Variants in UBE2O observed in about 807,000 individuals in gnomAD.
UBE2O encodes ubiquitin conjugating enzyme E2 O, also known as (E3-independent) E2 ubiquitin-conjugating enzyme.
A neutral mutation model predicts 125.8 loss-of-function variants in UBE2O; 15 were observed. The observed-to-expected ratio is 0.12, with a 90% CI of 0.08 to 0.18. UBE2O has a LOEUF of 0.18. UBE2O is among the 10% of genes least tolerant of loss of function. The pLI is 1.00. For missense variants in UBE2O, 1,280 were observed against 1,723.6 expected, an observed-to-expected ratio of 0.74 and a Z score of 4.56; for synonymous variants, 708 against 703.2, an observed-to-expected ratio of 1.01 and a Z score of -0.11.
chr17:76,402,753 A>G lies in UBE2O; in HGVS notation c.589-54T>C. 20 of 1,450,760 alleles carry G rather than the reference A, an allele frequency of 1.4e-5. No individual in the cohort carries two copies. The highest frequency in any genetic ancestry group is 1.8e-5 in the Non-Finnish European group (19 of 1,031,162). 89.9% of individuals were successfully genotyped at this position (1,450,760 alleles called of 1,614,324 possible). A position where few individuals can be genotyped will look rare whatever the true frequency, so the allele number is the denominator to read the frequency against. On this transcript the variant is annotated intron_variant, in intron 3 of 17. Transcript: ENST00000319380. This position sits in a 1 kb window ranked among gnomAD's most constrained non-coding sequence, Gnocchi z 5.4. The stretch of plus-strand genomic sequence containing the variant: ...GACACAGCAGACAACGTTCATGTCC[A>G]GGGCACAGATTCCTCTATGCCCCAC...
Position 76,395,603 on chromosome 17 carries a change from T to G in UBE2O, c.2946+122A>C. ...TGTGACCGCCCCTGTAAAAGGTGGG[T>G]GGGTGAGTGTCCTCGCAGGTGCCAG... On this transcript the variant is annotated intron_variant, in intron 15 of 17. Coordinates refer to ENST00000319380, the MANE Select transcript of UBE2O (RefSeq NM_022066.4). The surrounding 1 kb of genome is among the most constrained non-coding windows in gnomAD (Gnocchi z 5.0). 1 of 1,218,774 alleles carries G rather than the reference T, an allele frequency of 8.2e-7. No individual in the cohort carries two copies. The highest frequency in any genetic ancestry group is 1.1e-6 in the Non-Finnish European group (1 of 876,216). 75.5% of individuals were successfully genotyped at this position (1,218,774 alleles called of 1,614,324 possible).
At chr17:76,447,405 A>T (rs750760266) in intron 1 of UBE2O, among the ~76,000 whole-genome samples, 26 of 152,260 alleles carry the variant, frequency 1.7e-4, no homozygotes, top group Non-Finnish European at 3.2e-4. Context: ...AAACATCTAA[A>T]GCACTAAGAG....
rs751759639 is a variant in UBE2O, at chr17:76,396,299, C to T, written c.2638G>A (p.Glu880Lys). 2 of 1,614,248 alleles carry T rather than the reference C, an allele frequency of 1.2e-6. No individual in the cohort carries two copies. The highest frequency in any genetic ancestry group is 1.7e-5 in the Admixed American group (1 of 60,036). The stretch of plus-strand genomic sequence containing the variant: ...TTGCGCTCTACGTCGGGCACTGCTT[C>T]CATCTTCTCCTCCTCTACAATGGCC... Reference protein sequence around the residue: ...NVAIVEEEKMEAVPDVERKED... With the variant: ...NVAIVEEEKMKAVPDVERKED... Residue 880 changes from glutamate to lysine, a missense_variant, in exon 14 of 18, where the codon GAA becomes AAA. Coordinates refer to ENST00000319380, the MANE Select transcript of UBE2O (RefSeq NM_022066.4). This position sits in a 1 kb window ranked among gnomAD's most constrained non-coding sequence, Gnocchi z 6.7.
chr17:76,401,016 C>G lies in UBE2O; in HGVS notation c.889G>C (p.Glu297Gln), dbSNP rs1407747438. 6.2e-7 allele frequency: 1 copy of G among 1,613,816 alleles called. No homozygotes were observed. Among genetic ancestry groups the G allele is most frequent in the South Asian group, 1.1e-5 (1 of 91,076 alleles). Residue 297 changes from glutamate to glutamine, a missense_variant, in exon 6 of 18, where the codon GAA becomes CAA. Coordinates refer to ENST00000319380, the MANE Select transcript of UBE2O (RefSeq NM_022066.4). Reference sequence around the variant, plus strand: ...ACCCTTGGGCCCGGACCCACCTCTTCCACCACCACTCGGAACTTGCTCTTG... The same window carrying G: ...ACCCTTGGGCCCGGACCCACCTCTTGCACCACCACTCGGAACTTGCTCTTG... ...STKSKFRVVV[E>Q]EVQVVELKVT...
At chr17:76,420,299 C>T (rs1021707279) in intron 1 of UBE2O, among the ~76,000 whole-genome samples, 1 of 152,026 alleles carries the variant, frequency 6.6e-6, no homozygotes, top group Non-Finnish European at 1.5e-5. Flanking sequence ...GTTGTTTCCC[C>T]GGGGGCCAAG....
chr17:76,438,044 G>C (rs772266156), intron 1 of UBE2O, among the ~76,000 whole-genome samples: 6 of 152,016 alleles, frequency 3.9e-5, no homozygotes, highest in African/African-American at 1.2e-4. Context: ...TGCTATTACC[G>C]GCAGGACCAG....
chr17:76,408,001 C>T (rs1162534056), intron 1 of UBE2O, among the ~76,000 whole-genome samples: 2 of 152,194 alleles, frequency 1.3e-5, no homozygotes, highest in African/African-American at 2.4e-5. Flanking sequence ...GAATTAGAAC[C>T]CAAGACAACG....
intron 1 of UBE2O, among the ~76,000 whole-genome samples, chr17:76,415,586 C>G (rs1402126280): frequency 6.6e-6 from 1 of 152,222 alleles, no homozygotes; most frequent in Non-Finnish European, 1.5e-5. Flanking sequence ...GGTTGGATCA[C>G]TTGAGGTCAG....
At position 76,390,602 on chromosome 17, in the gene UBE2O, G is replaced by T. The variant is rs138443715; in HGVS notation, c.*341C>A. ...GGTCTGCAGGGAACCGGCCCAGAGA[G>T]CCCCGCGGCAGGCCCTGGAACACCC... On this transcript the variant is annotated 3_prime_UTR_variant, in exon 18 of 18. Coordinates refer to ENST00000319380, the MANE Select transcript of UBE2O (RefSeq NM_022066.4). The T allele has an allele frequency of 5.1e-4, 121 of 235,170 alleles. No homozygotes were observed. Among genetic ancestry groups the T allele is most frequent in the African/African-American group, 2.6e-3 (115 of 43,932 alleles). The allele number at this position is 235,170 out of a possible 1,614,324, so 14.6% of individuals were successfully genotyped here. A position where few individuals can be genotyped will look rare whatever the true frequency, so the allele number is the denominator to read the frequency against.
At chr17:76,421,872 G>C (rs1391421175) in intron 1 of UBE2O, among the ~76,000 whole-genome samples, 2 of 152,156 alleles carry the variant, frequency 1.3e-5, no homozygotes, top group Non-Finnish European at 2.9e-5. Flanking sequence ...AAGTCAACAA[G>C]TCGCTGGCCA....
Position 76,392,012 on chromosome 17 carries a change from G to C in UBE2O, c.3048C>G (p.Pro1016=), listed in dbSNP as rs78411046. The change falls in exon 16 of 18, where the codon CCC becomes CCG. Residue 1016 remains proline, a synonymous_variant. Coordinates refer to ENST00000319380, the MANE Select transcript of UBE2O (RefSeq NM_022066.4). ...IQLPNIYPAV[P]PHFCYLSQCS... ...ATTGGGAGAGGTAGCAGAAGTGGGG[G>C]GGCACGGCTGGGTAGATGTTGGGGA... is the stretch of plus-strand genomic sequence containing the variant. 1.4e-3 allele frequency: 2,309 copies of C among 1,594,014 alleles called. 2 individuals are homozygous for C. The highest frequency in any genetic ancestry group is 1.8e-3 in the Non-Finnish European group (2,162 of 1,171,298).
intron 1 of UBE2O, among the ~76,000 whole-genome samples, chr17:76,423,607 C>T (rs1446145815): frequency 1.5e-4 from 23 of 150,300 alleles, no homozygotes; most frequent in Admixed American, 1.3e-3. Context: ...GCAGGAAAAT[C>T]GCTTGAACCT....
Position 76,395,572 on chromosome 17 carries a change from T to G in UBE2O, c.2946+153A>C. On this transcript the variant is annotated intron_variant, in intron 15 of 17. Coordinates refer to ENST00000319380, the MANE Select transcript of UBE2O (RefSeq NM_022066.4). This position sits in a 1 kb window ranked among gnomAD's most constrained non-coding sequence, Gnocchi z 5.0. Reference sequence around the variant, plus strand: ...ACGGCTGAGTCAGCCCTCACCTGACTGAGCCTGTGACCGCCCCTGTAAAAG... The same window carrying G: ...ACGGCTGAGTCAGCCCTCACCTGACGGAGCCTGTGACCGCCCCTGTAAAAG... The G allele has an allele frequency of 3.6e-6, 3 of 831,834 alleles. No individual in the cohort carries two copies. Among genetic ancestry groups the G allele is most frequent in the Non-Finnish European group, 5.6e-6 (3 of 534,218 alleles). 51.5% of individuals were successfully genotyped at this position (831,834 alleles called of 1,614,324 possible).
rs2072288983 is a variant in UBE2O, at chr17:76,399,956, G to A, written c.1156-35C>T. On this transcript the variant is annotated intron_variant, in intron 8 of 17. Transcript: ENST00000319380. This position sits in a 1 kb window ranked among gnomAD's most constrained non-coding sequence, Gnocchi z 6.9. ...CGGAGCAGAGAGGACAGGGCTGTGAGGTGCACCTGGGCAGGCCTGGCCCTA... is the reference window on the plus strand; with the variant it reads ...CGGAGCAGAGAGGACAGGGCTGTGAAGTGCACCTGGGCAGGCCTGGCCCTA... 1.0e-5 allele frequency: 16 copies of A among 1,567,976 alleles called. No individual in the cohort carries two copies. Among genetic ancestry groups the A allele is most frequent in the African/African-American group, 1.4e-5 (1 of 73,874 alleles).
rs1240798050 is a variant in UBE2O, at chr17:76,410,741, CG to C, written c.418-5170del. ...GCATTCAGGAGCCGGGGAAGCTCAC[CG>C]GGGGCCTCTCCTGCCAGGAGCACTC... On this transcript the variant is annotated intron_variant, in intron 1 of 17. Coordinates refer to ENST00000319380, the MANE Select transcript of UBE2O (RefSeq NM_022066.4). This position sits in a 1 kb window ranked among gnomAD's most constrained non-coding sequence, Gnocchi z 4.0. 7.8e-5 allele frequency among the ~76,000 whole-genome samples: 10 copies of C among 127,630 alleles called. No individual in the cohort carries two copies. Among genetic ancestry groups the C allele is most frequent in the Middle Eastern group, 3.7e-3 (1 of 272 alleles). 83.7% of individuals were successfully genotyped at this position (127,630 alleles called of 152,430 possible). A position where few individuals can be genotyped will look rare whatever the true frequency, so the allele number is the denominator to read the frequency against.
intron 1 of UBE2O, among the ~76,000 whole-genome samples, chr17:76,447,023 C>T (rs966343847): frequency 1.3e-5 from 2 of 152,222 alleles, no homozygotes; most frequent in Non-Finnish European, 2.9e-5. Flanking sequence ...CCATCATCTC[C>T]CTCCCTCCTG....
At chr17:76,407,176 C>T (rs1232605248) in intron 1 of UBE2O, among the ~76,000 whole-genome samples, 1 of 152,170 alleles carries the variant, frequency 6.6e-6, no homozygotes, top group Non-Finnish European at 1.5e-5. Flanking sequence ...ACATGGTGCA[C>T]GGTACAGAGT....
Position 76,430,841 on chromosome 17 carries a change from C to G in UBE2O, c.417+21884G>C, listed in dbSNP as rs1380146071. ...CTTTGGGCTCACACCACTGATACCT[C>G]TGACCCTGATGACAAATGCCAATTC... On this transcript the variant is annotated intron_variant, in intron 1 of 17. Coordinates refer to ENST00000319380, the MANE Select transcript of UBE2O (RefSeq NM_022066.4). The G allele has an allele frequency of 1.3e-5, 5 of 387,988 alleles. No individual in the cohort carries two copies. In the East Asian group the frequency reaches 3.5e-4, roughly 27 times the overall value. The allele number at this position is 387,988 out of a possible 1,614,324, so 24.0% of individuals were successfully genotyped here. A position where few individuals can be genotyped will look rare whatever the true frequency, so the allele number is the denominator to read the frequency against.
chr17:76,396,284 C>A lies in UBE2O; in HGVS notation c.2653G>T (p.Val885Leu), dbSNP rs147349982. ...TCGGGCTTGTCCTCCTTGCGCTCTA[C>A]GTCGGGCACTGCTTCCATCTTCTCC... is the stretch of plus-strand genomic sequence containing the variant. ...EEEKMEAVPD[V>L]ERKEDKPEGQ... Residue 885 changes from valine to leucine, a missense_variant, in exon 14 of 18, where the codon GTA becomes TTA. Around this residue, in one of 10 missense-constraint regions of UBE2O, gnomAD observed 116 missense variants for 154.8 expected, o/e 0.75. Coordinates refer to ENST00000319380, the MANE Select transcript of UBE2O (RefSeq NM_022066.4). The surrounding 1 kb of genome is among the most constrained non-coding windows in gnomAD (Gnocchi z 6.7). 1.9e-6 allele frequency: 3 copies of A among 1,614,096 alleles called. No homozygotes were observed. Among genetic ancestry groups the A allele is most frequent in the South Asian group, 2.2e-5 (2 of 91,096 alleles).
Sources: gnomAD v4.1 joint callset for allele counts (sites outside exome capture counted in the v4.1 genomes callset) on GRCh38, gnomAD v4.1.1 for gene constraint, gnomAD v4.1.1 regional missense constraint, Gnocchi (gnomAD v3.1) non-coding constraint, MANE v1.5 for transcripts, NCBI Gene and HGNC (gene_info 2026-07-23, HGNC 2026-07-21) for gene names.